TFCP2: variants seen among roughly 807,000 people sequenced by gnomAD.
The protein encoded by TFCP2 is transcription factor CP2.
A neutral mutation model predicts 73.4 loss-of-function variants in TFCP2; 33 were observed. The ratio of observed to expected loss-of-function variants is 0.45; its 90% CI spans 0.34 to 0.60. The LOEUF (loss-of-function observed/expected upper bound fraction) is 0.60. TFCP2 is among the 20% of genes least tolerant of loss of function. The pLI, the probability that TFCP2 is intolerant of heterozygous loss-of-function variation, is 0.01. For synonymous variants in TFCP2, 193 were observed against 211.6 expected (o/e 0.91, Z 0.76); for missense variants, 352 against 604.0 (o/e 0.58, Z 4.37).
intron 1 of TFCP2, among the ~76,000 whole-genome samples, chr12:51,141,089 AT>A (rs1692501739): frequency 3.1e-5 from 3 of 97,518 alleles, no homozygotes; most frequent in African/African-American, 7.5e-5. Context: ...TAATAAAAAA[AT>A]AATATTTTTT....
chr12:51,118,924 T>G, intron 1 of TFCP2, 152 bp from the exon 2 acceptor site: 1 of 846,038 alleles, frequency 1.2e-6, no homozygotes, highest in South Asian at 1.6e-5. Context: ...GATTACCTGC[T>G]GTGATATCCC....
chr12:51,164,329 T>C (rs985981649), intron 1 of TFCP2, among the ~76,000 whole-genome samples: 2 of 152,204 alleles, frequency 1.3e-5, no homozygotes, highest in East Asian at 3.8e-4. Context: ...CCGGGTATGG[T>C]GGCTCACGCC....
Position 51,132,357 on chromosome 12 carries a change from C to CTTTTTTTTTTTTTTT in TFCP2, c.123-13600_123-13586dup, listed in dbSNP as rs869123355. On this transcript the variant is annotated intron_variant, in intron 1 of 14. Transcript: ENST00000257915. ...TGCAAGTTCTGGTTTAGGGATTAGTCTTTTTTTTTTTTTTTTTTTTTTTTT... is the reference window on the plus strand; with the variant it reads ...TGCAAGTTCTGGTTTAGGGATTAGTCTTTTTTTTTTTTTTTTTTTTTTTTTTTTTTTTTTTTTTTT... Among the ~76,000 whole-genome samples the CTTTTTTTTTTTTTTT allele has an allele frequency of 6.3e-4, 39 of 61,786 alleles. 14 individuals are homozygous for CTTTTTTTTTTTTTTT. The highest frequency in any genetic ancestry group is 8.1e-4 in the African/African-American group (14 of 17,228). The allele number at this position is 61,786 out of a possible 152,430, so 40.5% of individuals were successfully genotyped here.
intron 11 of TFCP2, among the ~76,000 whole-genome samples, chr12:51,100,496 G>T (rs1251974146): frequency 1.3e-5 from 2 of 152,064 alleles, no homozygotes; most frequent in African/African-American, 4.8e-5. Flanking sequence ...AATTTTCCAA[G>T]ATTCAACATC....
chr12:51,116,614 T>C (rs1161080120), intron 3 of TFCP2, among the ~76,000 whole-genome samples, 194 bp from the exon 4 acceptor site: 1 of 149,442 alleles, frequency 6.7e-6, no homozygotes. Context: ...ATTTCTCAGA[T>C]ATAATCTTTT....
At chr12:51,128,345 A>G (rs969812460) in intron 1 of TFCP2, among the ~76,000 whole-genome samples, 3 of 152,176 alleles carry the variant, frequency 2.0e-5, no homozygotes, top group Non-Finnish European at 4.4e-5. Context: ...TAAAAAAACT[A>G]GTATTGGCAT....
Position 51,107,365 on chromosome 12 carries a change from T to C in TFCP2, c.718-19A>G. ...CTTTGGGCTGAAATGAGAAATATTT[T>C]GTTTTAAATTCAGGTACTCACCTTT... On this transcript the variant is annotated intron_variant, in intron 6 of 14. Transcript: ENST00000257915. 1 of 1,596,520 alleles carries C rather than the reference T, an allele frequency of 6.3e-7. No individual in the cohort carries two copies. The highest frequency in any genetic ancestry group is 8.5e-7 in the Non-Finnish European group (1 of 1,172,050).
intron 1 of TFCP2, chr12:51,125,088 C>A: frequency 1.3e-6 from 1 of 755,640 alleles, no homozygotes; most frequent in Non-Finnish European, 2.5e-6. Flanking sequence ...CTCTCCGATG[C>A]TGGTGAAGAT....
chr12:51,121,654 C>T (rs2956426), intron 1 of TFCP2, among the ~76,000 whole-genome samples: 151,047 of 151,444 alleles, frequency 1, 75,328 homozygotes, highest in Middle Eastern at 1. Flanking sequence ...TTAGTAGAGA[C>T]GAGGTCTCAC....
intron 1 of TFCP2, among the ~76,000 whole-genome samples, chr12:51,152,997 G>A (rs1206348876): frequency 6.6e-6 from 1 of 152,192 alleles, no homozygotes; most frequent in Admixed American, 6.6e-5. Flanking sequence ...TACTTTCGCA[G>A]CTAGCTGAGG....
chr12:51,123,891 A>G (rs527690581), intron 1 of TFCP2, among the ~76,000 whole-genome samples: 1 of 152,350 alleles, frequency 6.6e-6, no homozygotes, highest in Admixed American at 6.5e-5. Context: ...AAAAATAAAA[A>G]TGGAGTCATT....
At chr12:51,167,265 G>T (rs1024666257) in intron 1 of TFCP2, among the ~76,000 whole-genome samples, 4 of 152,162 alleles carry the variant, frequency 2.6e-5, no homozygotes, top group African/African-American at 7.2e-5. Context: ...ATTTGAAGAT[G>T]AAACCATCAT....
intron 11 of TFCP2, among the ~76,000 whole-genome samples, 164 bp downstream of exon 11, chr12:51,101,771 T>C (rs1940114275): frequency 6.6e-6 from 1 of 152,154 alleles, no homozygotes; most frequent in African/African-American, 2.4e-5. Flanking sequence ...TTGGACAAAG[T>C]GCAAGAAAAC....
At position 51,095,059 on chromosome 12, in the gene TFCP2, C is replaced by T; in HGVS notation, c.*182G>A. The T allele has an allele frequency of 1.4e-6, 1 of 692,636 alleles. No homozygotes were observed. Among genetic ancestry groups the T allele is most frequent in the Non-Finnish European group, 2.6e-6 (1 of 389,428 alleles). The allele number at this position is 692,636 out of a possible 1,614,324, so 42.9% of individuals were successfully genotyped here. On this transcript the variant is annotated 3_prime_UTR_variant, in exon 15 of 15. Transcript: ENST00000257915. ...CATATTGGGCAGTAATCTGTGTGTA[C>T]CACAAGAGCTTGGGCCAACACAGAG...
chr12:51,124,853 C>A, intron 1 of TFCP2: 1 of 1,300,776 alleles, frequency 7.7e-7, no homozygotes. Context: ...GCTGAGCCAC[C>A]TGTTTGGCTT....
chr12:51,170,343 C>CTTTTTTTTTTTTTTTT (rs4026184), intron 1 of TFCP2, among the ~76,000 whole-genome samples: 1 of 147,120 alleles, frequency 6.8e-6, no homozygotes. Context: ...TAAAATCTTT[C>CTTTTTTTTTTTTTTTT]TTTTTTTTTA....
chr12:51,170,376 T>A (rs1346338667), intron 1 of TFCP2, among the ~76,000 whole-genome samples: 1 of 147,628 alleles, frequency 6.8e-6, no homozygotes, highest in Non-Finnish European at 1.5e-5. Flanking sequence ...GAGGTCTCAC[T>A]CTGTCACCAG....
intron 5 of TFCP2, among the ~76,000 whole-genome samples, chr12:51,110,445 T>C (rs758785219): frequency 6.6e-6 from 1 of 152,116 alleles, no homozygotes; most frequent in East Asian, 1.9e-4. Context: ...GACATGCGCC[T>C]CTAGTCCCAG....
intron 1 of TFCP2, among the ~76,000 whole-genome samples, chr12:51,142,296 C>G: frequency 6.7e-6 from 1 of 149,252 alleles, no homozygotes; most frequent in Middle Eastern, 3.3e-3. Context: ...CAAGACAATG[C>G]TGCTACCATT....
Sources: gnomAD v4.1 joint callset for allele counts (sites outside exome capture counted in the v4.1 genomes callset) on GRCh38, gnomAD v4.1.1 for gene constraint, MANE v1.5 for transcripts, NCBI Gene and HGNC (gene_info 2026-07-23, HGNC 2026-07-21) for gene names.